ADCY9: variants seen among roughly 807,000 people sequenced by gnomAD.
The protein encoded by ADCY9 is adenylate cyclase type 9.
Under a neutral mutation model 101.5 loss-of-function variants are expected in ADCY9, and 50 were observed. The ratio of observed to expected loss-of-function variants is 0.49; its 90% confidence interval spans 0.39 to 0.62. The LOEUF is 0.62. Among genes scored for constraint, ADCY9 ranks in the 20% least tolerant of loss-of-function variants. The probability of loss-of-function intolerance (pLI) is 0.00; values close to 1 mark genes in which losing one functional copy is unlikely to be tolerated. For missense variants in ADCY9, 1,662 were observed against 1,800.4 expected (o/e 0.92, Z 1.39); for synonymous variants, 905 against 769.3 (o/e 1.18, Z -2.92).
At chr16:4,038,651 GA>G (rs1350336988) in intron 2 of ADCY9, among the ~76,000 whole-genome samples, 1 of 152,142 alleles carries the variant, frequency 6.6e-6, no homozygotes, top group East Asian at 1.9e-4. Context: ...TTTCAGTTGA[GA>G]AAAGAGGAAC....
chr16:4,078,693 T>C (rs1162102402), intron 2 of ADCY9, among the ~76,000 whole-genome samples: 3 of 152,096 alleles, frequency 2.0e-5, no homozygotes, highest in East Asian at 3.8e-4. Context: ...CAATGATTGA[T>C]AGATAAGACC....
chr16:3,995,212 G>C (rs1192271514), intron 3 of ADCY9, among the ~76,000 whole-genome samples: 2 of 152,166 alleles, frequency 1.3e-5, no homozygotes, highest in Non-Finnish European at 2.9e-5. Flanking sequence ...AGGATGGCTT[G>C]AGTCCAGGAA....
intron 3 of ADCY9, among the ~76,000 whole-genome samples, chr16:3,995,355 G>T (rs1450590923): frequency 6.6e-6 from 1 of 152,134 alleles, no homozygotes; most frequent in African/African-American, 2.4e-5. Flanking sequence ...TTGAGTCTGG[G>T]AGGTCAAGGC....
chr16:4,054,398 T>C (rs891977491), intron 2 of ADCY9, among the ~76,000 whole-genome samples: 4 of 152,042 alleles, frequency 2.6e-5, no homozygotes, highest in African/African-American at 7.2e-5. Flanking sequence ...CTGTGGTGGA[T>C]TGCAGAAACC....
At chr16:4,076,578 TG>T (rs1292146147) in intron 2 of ADCY9, among the ~76,000 whole-genome samples, 2 of 152,178 alleles carry the variant, frequency 1.3e-5, no homozygotes, top group Non-Finnish European at 2.9e-5. Flanking sequence ...AAAGTGAGGC[TG>T]GGGATTTGAA....
chr16:3,987,917 G>T (rs2239305), intron 6 of ADCY9, among the ~76,000 whole-genome samples: 1 of 152,052 alleles, frequency 6.6e-6, no homozygotes, highest in African/African-American at 2.4e-5. Context: ...CAGGCTCTAG[G>T]TTCTTGTATT....
intron 6 of ADCY9, among the ~76,000 whole-genome samples, chr16:3,988,324 G>A (rs1013413072): frequency 6.6e-6 from 1 of 151,990 alleles, no homozygotes; most frequent in Non-Finnish European, 1.5e-5. Context: ...AAGGCCTCCT[G>A]GGCCCTTCTC....
At chr16:4,091,597 G>A (rs1212772335) in intron 2 of ADCY9, among the ~76,000 whole-genome samples, 1 of 152,180 alleles carries the variant, frequency 6.6e-6, no homozygotes, top group Non-Finnish European at 1.5e-5. Flanking sequence ...ACAAAATGTG[G>A]TTTATCCATA....
intron 9 of ADCY9, among the ~76,000 whole-genome samples, chr16:3,976,220 G>A (rs1195667657): frequency 1.3e-5 from 2 of 152,122 alleles, no homozygotes; most frequent in Admixed American, 6.6e-5. Flanking sequence ...TTGAACTCCT[G>A]AGCTCAGACA....
At chr16:4,101,488 A>G (rs1164182601) in intron 2 of ADCY9, among the ~76,000 whole-genome samples, 1 of 152,122 alleles carries the variant, frequency 6.6e-6, no homozygotes, top group East Asian at 1.9e-4. Flanking sequence ...TATGTTGCCC[A>G]GACTGGTCTC....
Position 4,113,865 on chromosome 16 carries a change from G to A in ADCY9, c.1578C>T (p.Ala526=), listed in dbSNP as rs374682488. 2.0e-5 allele frequency: 33 copies of A among 1,613,916 alleles called. No homozygotes were observed. In the African/African-American group the frequency reaches 3.6e-4, roughly 18 times the overall value. The change falls in exon 2 of 11, where the codon GCC becomes GCT. Residue 526 remains alanine (A), a synonymous_variant. Coordinates refer to ENST00000294016, the MANE Select transcript of ADCY9 (RefSeq NM_001116.4). ...TGGCCTCAGAAATGTGAACTTTGCC[G>A]GCCACTCCCAGCTGCTCCATGAGAT... ...LANLMEQLGV[A]GKVHISEATA...
intron 2 of ADCY9, among the ~76,000 whole-genome samples, chr16:4,045,034 C>T (rs1036703632): frequency 1.3e-5 from 2 of 152,196 alleles, no homozygotes; most frequent in African/African-American, 2.4e-5. Context: ...CGTATAAATT[C>T]GTATCATCTG....
chr16:4,113,963 TGC>T lies in ADCY9; in HGVS notation c.1478_1479del (p.Gly493AspfsTer13). ...MVNMRVGVHT[G>X]TVLCGILGMR... ...ATGCCCAGGATGCCGCAAAGGACGG[TGC>T]CCGTGTGCACCCCGACTCTCATGTT... On this transcript the variant is annotated frameshift_variant, in exon 2 of 11. Transcript: ENST00000294016. LOFTEE classifies it high-confidence loss of function. 6.2e-7 allele frequency: 1 copy of T among 1,613,972 alleles called. No homozygotes were observed. The highest frequency in any genetic ancestry group is 8.5e-7 in the Non-Finnish European group (1 of 1,180,030).
In ADCY9 at chr16:4,004,700, G is replaced by A. The variant is rs1597158985; in HGVS notation, c.1884+2668C>T. ...GAATGCAAAGAGCTCCCAGGAAGAC[G>A]CATAAGAAACAAAGATTTAAGATCG... On this transcript the variant is annotated intron_variant, in intron 3 of 10. Coordinates refer to ENST00000294016, the MANE Select transcript of ADCY9 (RefSeq NM_001116.4). Among the ~76,000 whole-genome samples the A allele has an allele frequency of 3.3e-5, 5 of 152,344 alleles. No homozygotes were observed. In the South Asian group the frequency reaches 6.2e-4, roughly 19 times the overall value.
At chr16:4,061,088 G>T (rs938715520) in intron 2 of ADCY9, among the ~76,000 whole-genome samples, 2 of 152,024 alleles carry the variant, frequency 1.3e-5, no homozygotes, top group African/African-American at 4.8e-5. Context: ...GTAATGAAAA[G>T]TTCACTAGAG....
At chr16:4,081,222 A>G (rs1567140458) in intron 2 of ADCY9, among the ~76,000 whole-genome samples, 1 of 152,170 alleles carries the variant, frequency 6.6e-6, no homozygotes. Flanking sequence ...ACAAACTGGA[A>G]CTAATCAGCA....
chr16:4,000,775 G>A (rs953483912), intron 3 of ADCY9, among the ~76,000 whole-genome samples: 2 of 152,004 alleles, frequency 1.3e-5, no homozygotes, highest in African/African-American at 2.4e-5. Flanking sequence ...ATGGCGATCC[G>A]AGTCAAGAAT....
At chr16:4,102,384 C>CA (rs1167359960) in intron 2 of ADCY9, among the ~76,000 whole-genome samples, 1 of 151,828 alleles carries the variant, frequency 6.6e-6, no homozygotes, top group Non-Finnish European at 1.5e-5. Flanking sequence ...TGAGCCCTTC[C>CA]AAAAAAAATT....
chr16:4,023,969 TAA>T, intron 2 of ADCY9, among the ~76,000 whole-genome samples: 1 of 152,296 alleles, frequency 6.6e-6, no homozygotes, highest in African/African-American at 2.4e-5. Context: ...TGCAGTGTTT[TAA>T]GTAAGACAGC....
Sources: allele counts gnomAD v4.1 joint callset (sites outside exome capture counted in the v4.1 genomes callset), GRCh38; gene constraint gnomAD v4.1.1; transcripts MANE v1.5; gene names NCBI Gene and HGNC (gene_info 2026-07-23, HGNC 2026-07-21).